The following PLEKHA3 variants were observed in gnomAD, a reference collection of about 807,000 sequenced individuals.
The protein encoded by PLEKHA3 is pleckstrin homology domain-containing family A member 3.
Under a neutral mutation model 39.2 loss-of-function variants are expected in PLEKHA3, and 19 were observed. The ratio of observed to expected loss-of-function variants is 0.48; its 90% CI spans 0.34 to 0.71. The LOEUF (loss-of-function observed/expected upper bound fraction) is 0.71. Ranked by LOEUF, PLEKHA3 falls within the 30% of genes least tolerant of loss-of-function variation. PLEKHA3 has a pLI of 0.01. For missense variants in PLEKHA3, 253 were observed against 359.5 expected (o/e 0.70, Z 2.40); for synonymous variants, 97 against 118.6 (o/e 0.82, Z 1.18).
At chr2:178,481,008 T>A in intron 1 of PLEKHA3, 99 bp downstream of exon 1, 1 of 1,119,840 alleles carries the variant, frequency 8.9e-7, no homozygotes, top group Non-Finnish European at 1.2e-6. Flanking sequence ...CCGCGGACCC[T>A]CAGAGCGAAT....
chr2:178,482,648 T>C (rs1046487105), intron 1 of PLEKHA3, among the ~76,000 whole-genome samples: 3 of 152,072 alleles, frequency 2.0e-5, no homozygotes, highest in Admixed American at 1.3e-4. Context: ...TGTGGAACCA[T>C]TGGGCCATTA....
intron 7 of PLEKHA3, among the ~76,000 whole-genome samples, chr2:178,501,720 T>A (rs1685531695): frequency 6.6e-6 from 1 of 152,000 alleles, no homozygotes; most frequent in Non-Finnish European, 1.5e-5. Flanking sequence ...ATTTTTAAAT[T>A]TTTCTCTTCA....
chr2:178,500,870 C>T (rs758673715), intron 6 of PLEKHA3, among the ~76,000 whole-genome samples, 191 bp from the exon 7 acceptor site: 6 of 152,014 alleles, frequency 3.9e-5, no homozygotes, highest in Non-Finnish European at 8.8e-5. Context: ...AAGCCATATT[C>T]TCCAGGTTAC....
Position 178,516,411 on chromosome 2 carries a change from G to A in PLEKHA3, c.*12524G>A, listed in dbSNP as rs1259800215. 8.6e-5 allele frequency: 13 copies of A among 151,982 alleles called. No homozygotes were observed. The East Asian group carries it at 1.2e-3, about 14-fold the overall frequency. The allele number at this position is 151,982 out of a possible 1,614,324, so 9.4% of individuals were successfully genotyped here. On this transcript the variant is annotated 3_prime_UTR_variant, in exon 8 of 8. Transcript: ENST00000234453. ...TATTTTTGTCATAAAAATTCTGCTT[G>A]TCGAAAATATTGTAGTAATTTTATA...
chr2:178,486,242 A>G (rs1433033858), intron 2 of PLEKHA3, among the ~76,000 whole-genome samples: 3 of 152,210 alleles, frequency 2.0e-5, no homozygotes, highest in Non-Finnish European at 4.4e-5. Context: ...CTTTTCTTCC[A>G]AAAGGGGAGA....
Position 178,508,794 on chromosome 2 carries a change from C to T in PLEKHA3, c.*4907C>T, listed in dbSNP as rs527872535. 6.5e-6 allele frequency: 1 copy of T among 153,956 alleles called. No individual in the cohort carries two copies. Among genetic ancestry groups the T allele is most frequent in the South Asian group, 2.1e-4 (1 of 4,824 alleles). 9.5% of individuals were successfully genotyped at this position (153,956 alleles called of 1,614,324 possible). On this transcript the variant is annotated 3_prime_UTR_variant, in exon 8 of 8. Transcript: ENST00000234453. ...GCCCATCCGGCCCCACCCCCCAAAT[C>T]CTCCTCTGGCTGCTGACCCTCAGGT...
intron 2 of PLEKHA3, among the ~76,000 whole-genome samples, chr2:178,486,796 G>A (rs1053239810): frequency 1.3e-5 from 2 of 152,078 alleles, no homozygotes; most frequent in Non-Finnish European, 2.9e-5. Flanking sequence ...GGTTATTTCC[G>A]TTTTGGGACT....
At chr2:178,488,522 T>C (rs1452212871) in intron 2 of PLEKHA3, among the ~76,000 whole-genome samples, 1 of 152,274 alleles carries the variant, frequency 6.6e-6, no homozygotes, top group South Asian at 2.1e-4. Context: ...ACCATGTATA[T>C]GTGAGTCTTT....
At chr2:178,501,871 C>A (rs78155940) in intron 7 of PLEKHA3, among the ~76,000 whole-genome samples, 1 of 152,030 alleles carries the variant, frequency 6.6e-6, no homozygotes, top group Non-Finnish European at 1.5e-5. Flanking sequence ...TCTCAGGAAG[C>A]ATGTGGGATA....
At chr2:178,487,880 G>C (rs995436616) in intron 2 of PLEKHA3, among the ~76,000 whole-genome samples, 1 of 152,014 alleles carries the variant, frequency 6.6e-6, no homozygotes, top group East Asian at 1.9e-4. Context: ...TAAAAAATTC[G>C]GAATATTTCT....
chr2:178,500,450 T>G (rs979909543), intron 6 of PLEKHA3, among the ~76,000 whole-genome samples: 1 of 152,156 alleles, frequency 6.6e-6, no homozygotes, highest in Non-Finnish European at 1.5e-5. Flanking sequence ...AATAATAATT[T>G]TAAAATCTTA....
At chr2:178,485,600 T>C (rs770850316) in intron 1 of PLEKHA3, 41 bp from the exon 2 acceptor site, 41 of 1,221,302 alleles carry the variant, frequency 3.4e-5, no homozygotes, top group Non-Finnish European at 4.8e-5. Flanking sequence ...GTGAAAGTAA[T>C]GTGTTTCCAA....
At chr2:178,481,389 C>A (rs1198636110) in intron 1 of PLEKHA3, among the ~76,000 whole-genome samples, 1 of 152,066 alleles carries the variant, frequency 6.6e-6, no homozygotes, top group African/African-American at 2.4e-5. Context: ...TGAGGTTGTT[C>A]AAGCTTAGCG....
At position 178,485,670 on chromosome 2, in the gene PLEKHA3, A is replaced by C. The variant is rs1575141977; in HGVS notation, c.70A>C (p.Asn24His). 4 of 1,613,586 alleles carry C rather than the reference A, an allele frequency of 2.5e-6. No homozygotes were observed. The highest frequency in any genetic ancestry group is 3.4e-6 in the Non-Finnish European group (4 of 1,179,752). ...GCAGCCTCGTTGGTTTGTTTTAGAT[A>C]ATGGAATCTTATCCTACTATGATTC... ...GWQPRWFVLDNGILSYYDSQD... is the reference protein window; with the variant it reads ...GWQPRWFVLDHGILSYYDSQD... The change falls in exon 2 of 8, where the codon AAT becomes CAT. Residue 24 changes from asparagine to histidine, a missense_variant. Asn to His is a moderately conservative substitution (Grantham distance 68). Around this residue, in one of 2 missense-constraint regions of PLEKHA3, gnomAD observed 126 missense variants for 222.7 expected, o/e 0.57. Transcript: ENST00000234453.
At chr2:178,484,671 T>C (rs375743660) in intron 1 of PLEKHA3, among the ~76,000 whole-genome samples, 57 of 152,332 alleles carry the variant, frequency 3.7e-4, no homozygotes, top group African/African-American at 1.3e-3. Flanking sequence ...TGAATTGTTA[T>C]TTAATAGTCA....
Position 178,495,559 on chromosome 2 carries a change from G to C in PLEKHA3, c.514G>C (p.Glu172Gln), listed in dbSNP as rs988971942. The part of the protein sequence containing the change: ...TCNTFITTLE[E>Q]CVKIANAKFK... ...TAACACATTCATCACAACGCTTGAG[G>C]AATGTGTGAAGATAGCCAATGCCAA... The change falls in exon 5 of 8, where the codon GAA becomes CAA. Residue 172 changes from glutamate to glutamine, a missense_variant. Physicochemically the swap from Glu to Gln is conservative, Grantham distance 29 (BLOSUM62 2). Around this residue, in one of 2 missense-constraint regions of PLEKHA3, gnomAD observed 126 missense variants for 222.7 expected, o/e 0.57. Coordinates refer to ENST00000234453, the MANE Select transcript of PLEKHA3 (RefSeq NM_019091.4). 1 of 1,614,050 alleles carries C rather than the reference G, an allele frequency of 6.2e-7. No homozygotes were observed. The highest frequency in any genetic ancestry group is 8.5e-7 in the Non-Finnish European group (1 of 1,180,036).
intron 5 of PLEKHA3, 137 bp from the exon 6 acceptor site, chr2:178,499,073 AG>A (rs1298103105): frequency 1.5e-6 from 1 of 669,384 alleles, no homozygotes; most frequent in African/African-American, 3.0e-5. Flanking sequence ...AGTCTGTGAA[AG>A]ATTAAATTTT....
intron 2 of PLEKHA3, among the ~76,000 whole-genome samples, chr2:178,486,991 T>C (rs1354000595): frequency 3.3e-5 from 5 of 152,232 alleles, no homozygotes; most frequent in Non-Finnish European, 7.3e-5. Context: ...AAACTTTATT[T>C]AGGACTATTG....
At chr2:178,495,350 A>G (rs929399586) in intron 4 of PLEKHA3, 146 bp from the exon 5 acceptor site, 1 of 727,978 alleles carries the variant, frequency 1.4e-6, no homozygotes. Flanking sequence ...CCCCAGCTTA[A>G]TTTTCTAAGG....
Sources: allele counts gnomAD v4.1 joint callset (sites outside exome capture counted in the v4.1 genomes callset), GRCh38; gene constraint gnomAD v4.1.1; regional missense constraint gnomAD v4.1.1; transcripts MANE v1.5; gene names NCBI Gene and HGNC (gene_info 2026-07-23, HGNC 2026-07-21).